GABRB1: variants seen among roughly 807,000 people sequenced by gnomAD.
GABRB1 encodes gamma-aminobutyric acid receptor subunit beta-1.
A neutral mutation model predicts 51.6 loss-of-function variants in GABRB1; 17 were observed. The ratio of observed to expected loss-of-function variants is 0.33; its 90% confidence interval spans 0.23 to 0.49. The LOEUF is 0.49. Among genes scored for constraint, GABRB1 ranks in the 20% least tolerant of loss-of-function variants. The pLI is 0.99. For synonymous variants in GABRB1, 247 were observed against 218.9 expected (o/e 1.13, Z -1.14); for missense variants, 410 against 600.6 (o/e 0.68, Z 3.32).
chr4:47,253,190 T>A (rs1722059978), intron 4 of GABRB1, among the ~76,000 whole-genome samples: 1 of 152,122 alleles, frequency 6.6e-6, no homozygotes, highest in African/African-American at 2.4e-5. Context: ...ATAAAGGAAT[T>A]GAGATAATGC....
chr4:47,083,014 G>T (rs1204816246), intron 3 of GABRB1, among the ~76,000 whole-genome samples: 2 of 152,090 alleles, frequency 1.3e-5, no homozygotes, highest in Non-Finnish European at 2.9e-5. Context: ...TGAGTAATAG[G>T]CTACCCTGAC....
chr4:47,025,093 C>T (rs1244284132), intron 1 of GABRB1, among the ~76,000 whole-genome samples: 1 of 150,032 alleles, frequency 6.7e-6, no homozygotes, highest in Non-Finnish European at 1.5e-5. Flanking sequence ...ACATATATCA[C>T]ATATATATAT....
At chr4:47,223,603 A>G (rs1469007640) in intron 4 of GABRB1, among the ~76,000 whole-genome samples, 1 of 152,106 alleles carries the variant, frequency 6.6e-6, no homozygotes, top group Non-Finnish European at 1.5e-5. Flanking sequence ...TAAGATAATT[A>G]AGAAAATGTT....
At chr4:47,228,657 C>T (rs571822026) in intron 4 of GABRB1, among the ~76,000 whole-genome samples, 9 of 152,188 alleles carry the variant, frequency 5.9e-5, no homozygotes, top group African/African-American at 1.9e-4. Flanking sequence ...TACTAATTAA[C>T]ATGACACCGA....
intron 3 of GABRB1, among the ~76,000 whole-genome samples, chr4:47,115,256 T>C (rs1219383263): frequency 1.3e-5 from 2 of 152,172 alleles, no homozygotes; most frequent in African/African-American, 4.8e-5. Context: ...GAATTCTCTT[T>C]AAATATTTTG....
In GABRB1 at chr4:47,198,200, T is replaced by C. The variant is rs535686417; in HGVS notation, c.461+36731T>C. 4.6e-5 allele frequency among the ~76,000 whole-genome samples: 7 copies of C among 152,204 alleles called. No homozygotes were observed. In the East Asian group the frequency reaches 1.4e-3, roughly 29 times the overall value. On this transcript the variant is annotated intron_variant, in intron 4 of 8. Transcript: ENST00000295454. Reference sequence around the variant, plus strand: ...ATGTGAATCTCTATATTGGGGACAATGTTTTGGTGAGCTGAAGAAGAATTT... The same window carrying C: ...ATGTGAATCTCTATATTGGGGACAACGTTTTGGTGAGCTGAAGAAGAATTT...
intron 8 of GABRB1, among the ~76,000 whole-genome samples, chr4:47,408,166 G>T (rs186267982): frequency 6.6e-6 from 1 of 152,158 alleles, no homozygotes; most frequent in Admixed American, 6.5e-5. Context: ...AAGGGAGCAG[G>T]ACACTTTGGT....
chr4:47,253,767 G>T (rs1162965528), intron 4 of GABRB1, among the ~76,000 whole-genome samples: 3 of 152,098 alleles, frequency 2.0e-5, no homozygotes, highest in Non-Finnish European at 2.9e-5. Context: ...CTAATAAAGG[G>T]ACTTTTGAAG....
rs1197205351 is a variant in GABRB1, at chr4:47,070,004, G to T, written c.240+37520G>T. Among the ~76,000 whole-genome samples the T allele has an allele frequency of 4.6e-5, 7 of 151,480 alleles. No homozygotes were observed. In the East Asian group the frequency reaches 1.4e-3, roughly 29 times the overall value. Reference sequence around the variant, plus strand: ...CTTATTCAGTGAAAATATTGCACTTGCCCTTCTTTTTCGTTGTTGCTGTTT... The same window carrying T: ...CTTATTCAGTGAAAATATTGCACTTTCCCTTCTTTTTCGTTGTTGCTGTTT... On this transcript the variant is annotated intron_variant, in intron 3 of 8. Transcript: ENST00000295454.
intron 4 of GABRB1, among the ~76,000 whole-genome samples, chr4:47,310,102 A>G (rs1724614871): frequency 6.6e-6 from 1 of 152,196 alleles, no homozygotes; most frequent in Non-Finnish European, 1.5e-5. Context: ...CCAAATAAGT[A>G]TAGAACTAAA....
intron 3 of GABRB1, among the ~76,000 whole-genome samples, chr4:47,078,780 G>A (rs1241650281): frequency 1.3e-5 from 2 of 151,976 alleles, no homozygotes; most frequent in African/African-American, 4.8e-5. Flanking sequence ...TTACTATTGG[G>A]CACTGCCCCT....
chr4:47,125,537 T>C (rs969516164), intron 3 of GABRB1, among the ~76,000 whole-genome samples: 1 of 148,268 alleles, frequency 6.7e-6, no homozygotes, highest in African/African-American at 2.5e-5. Context: ...TAGGTATCTC[T>C]AGACACAACA....
rs553422186 is a variant in GABRB1, at chr4:47,221,829, T to G, written c.461+60360T>G. ...CATTTTCTTGTTTTATATGTGGTTC[T>G]ACTTAAAGATGCCTGACTTAATATC... On this transcript the variant is annotated intron_variant, in intron 4 of 8. Coordinates refer to ENST00000295454, the MANE Select transcript of GABRB1 (RefSeq NM_000812.4). Among the ~76,000 whole-genome samples the G allele has an allele frequency of 2.0e-5, 3 of 152,198 alleles. No individual in the cohort carries two copies. In the South Asian group the frequency reaches 6.2e-4, roughly 32 times the overall value.
At chr4:47,405,264 A>G (rs1728529163) in intron 7 of GABRB1, among the ~76,000 whole-genome samples, 1 of 152,158 alleles carries the variant, frequency 6.6e-6, no homozygotes, top group African/African-American at 2.4e-5. Flanking sequence ...GGTAGCCCTG[A>G]CCTCCTACTT....
chr4:47,275,597 TG>T (rs1163960636), intron 4 of GABRB1, among the ~76,000 whole-genome samples: 1 of 152,060 alleles, frequency 6.6e-6, no homozygotes. Flanking sequence ...GGGAGGTGGA[TG>T]GGGGGAGGTC....
intron 4 of GABRB1, among the ~76,000 whole-genome samples, chr4:47,251,583 A>G (rs926284334): frequency 3.9e-5 from 6 of 152,094 alleles, no homozygotes; most frequent in Admixed American, 3.3e-4. Context: ...AGAGCTAGGC[A>G]TGTCTGAGCT....
chr4:47,154,224 A>T (rs527594557), intron 3 of GABRB1, among the ~76,000 whole-genome samples: 1 of 149,010 alleles, frequency 6.7e-6, no homozygotes, highest in Non-Finnish European at 1.5e-5. Context: ...GCCATTTTTC[A>T]CTGAATGTCT....
chr4:47,413,091 C>T (rs1246260273), intron 8 of GABRB1, among the ~76,000 whole-genome samples: 1 of 152,188 alleles, frequency 6.6e-6, no homozygotes, highest in African/African-American at 2.4e-5. Context: ...CAGCATTCAC[C>T]GTGAAAGCTT....
chr4:47,302,828 A>T (rs977947461), intron 4 of GABRB1, among the ~76,000 whole-genome samples: 2 of 151,968 alleles, frequency 1.3e-5, no homozygotes, highest in African/African-American at 4.8e-5. Flanking sequence ...TAATTGGAAC[A>T]TTCAGGTTCC....
Sources: allele counts gnomAD v4.1 joint callset (sites outside exome capture counted in the v4.1 genomes callset), GRCh38; gene constraint gnomAD v4.1.1; transcripts MANE v1.5; gene names NCBI Gene and HGNC (gene_info 2026-07-23, HGNC 2026-07-21).